Variants in MIA2 observed in about 807,000 individuals in gnomAD.
MIA2 encodes the protein melanoma inhibitory activity protein 2.
In MIA2, 127 loss-of-function variants were observed where a neutral mutation model predicts 167.8. The observed-to-expected ratio is 0.76, with a 90% CI of 0.66 to 0.88. The LOEUF is 0.88. Among genes scored for constraint, MIA2 ranks in the 40% least tolerant of loss-of-function variants. MIA2 has a pLI of 0.00. For missense variants in MIA2, 1,690 were observed against 1,624.7 expected (o/e 1.04, Z -0.69); for synonymous variants, 552 against 541.9 (o/e 1.02, Z -0.26).
At position 39,359,608 on chromosome 14, in the gene MIA2, T is replaced by C. The variant is rs367920371; in HGVS notation, c.2248+10631T>C. On this transcript the variant is annotated intron_variant, in intron 23 of 23. Transcript: ENST00000341502. ...CAGTGAGATGAACCCGGTACCTCTA[T>C]TGGAAATGCAGAAATCACCTGTCTT... 3.9e-5 allele frequency among the ~76,000 whole-genome samples: 6 copies of C among 152,274 alleles called. No individual in the cohort carries two copies. In the East Asian group the frequency reaches 1.2e-3, roughly 29 times the overall value.
chr14:39,275,139 T>TTGTGTGTGTGTG (rs67380839), intron 6 of MIA2, among the ~76,000 whole-genome samples: 20,697 of 126,504 alleles, frequency 0.16, 1,989 homozygotes, highest in East Asian at 0.41. Flanking sequence ...CCTTAATCCT[T>TTGTGTGTGTGTG]TGTGTGTGTG....
chr14:39,290,663 G>C (rs72675413), intron 9 of MIA2, among the ~76,000 whole-genome samples: 9 of 152,122 alleles, frequency 5.9e-5, no homozygotes, highest in African/African-American at 2.2e-4. Flanking sequence ...GTAAAAATAC[G>C]CTCTTTGAGT....
downstream of MIA2, among the ~76,000 whole-genome samples, chr14:39,352,053 T>C (rs2074401594): frequency 1.3e-5 from 2 of 152,198 alleles, no homozygotes; most frequent in South Asian, 4.1e-4. Context: ...AGGCTAATGA[T>C]ACATTTAGTT....
chr14:39,239,230 T>C (rs1423569739), intron 2 of MIA2, among the ~76,000 whole-genome samples: 4 of 152,208 alleles, frequency 2.6e-5, no homozygotes, highest in Admixed American at 1.3e-4. Context: ...CAACTTTCCC[T>C]ACTGCTTCTG....
intron 6 of MIA2, among the ~76,000 whole-genome samples, chr14:39,256,974 G>A (rs1042791826): frequency 6.6e-6 from 1 of 152,182 alleles, no homozygotes; most frequent in African/African-American, 2.4e-5. Context: ...TGGTCTGAGA[G>A]ACTGTTACGA....
chr14:39,384,287 C>T (rs1344663518), intron 23 of MIA2, among the ~76,000 whole-genome samples: 1 of 152,156 alleles, frequency 6.6e-6, no homozygotes, highest in Non-Finnish European at 1.5e-5. Context: ...GATGTCAGCA[C>T]GTCTGTATAC....
Position 39,350,502 on chromosome 14 carries a change from A to C in MIA2, c.*238A>C. 4 of 356,914 alleles carry C rather than the reference A, an allele frequency of 1.1e-5. No individual in the cohort carries two copies. The highest frequency in any genetic ancestry group is 4.4e-5 in the East Asian group (1 of 22,962). 22.1% of individuals were successfully genotyped at this position (356,914 alleles called of 1,614,324 possible). On this transcript the variant is annotated 3_prime_UTR_variant, in exon 29 of 29. Transcript: ENST00000640607. ...TGATTAATCCACTATTATATAAACA[A>C]TAGTGGGAGTTTTATATATGTAATC... is the stretch of plus-strand genomic sequence containing the variant.
chr14:39,255,247 A>C (rs1594701470), intron 6 of MIA2, among the ~76,000 whole-genome samples: 1 of 152,276 alleles, frequency 6.6e-6, no homozygotes, highest in African/African-American at 2.4e-5. Flanking sequence ...TACAGGCCTG[A>C]GTGTAATCCC....
At chr14:39,321,509 G>A (rs572599485) in intron 24 of MIA2, among the ~76,000 whole-genome samples, 1,531 of 151,670 alleles carry the variant, frequency 0.01, 7 homozygotes, top group Non-Finnish European at 0.014. Flanking sequence ...GTAGAGACGG[G>A]GTTTCACCAT....
At chr14:39,266,804 G>C in intron 6 of MIA2, 1 of 958,748 alleles carries the variant, frequency 1.0e-6, no homozygotes, top group Non-Finnish European at 1.2e-6. Context: ...GAAAGCCTTG[G>C]GTGTCGGGGC....
At chr14:39,386,808 T>G in intron 23 of MIA2, 4 of 997,332 alleles carry the variant, frequency 4.0e-6, no homozygotes, top group Non-Finnish European at 6.4e-6. Context: ...AGTGTCACCA[T>G]TACTGATGAC....
chr14:39,242,513 G>A (rs1025082424), intron 3 of MIA2, among the ~76,000 whole-genome samples: 25 of 151,922 alleles, frequency 1.6e-4, no homozygotes, highest in Non-Finnish European at 2.9e-5. Context: ...AGTAGAGATG[G>A]GGTTTCACCA....
At chr14:39,279,569 A>G (rs752172213) in intron 9 of MIA2, 32 bp downstream of exon 9, 10 of 1,418,768 alleles carry the variant, frequency 7.0e-6, no homozygotes, top group Non-Finnish European at 8.8e-6. Flanking sequence ...TATTCATGTT[A>G]GAGTCAGAGA....
chr14:39,241,734 TTA>T (rs1369219152), intron 3 of MIA2, among the ~76,000 whole-genome samples: 2 of 152,222 alleles, frequency 1.3e-5, no homozygotes, highest in East Asian at 3.8e-4. Context: ...AAAAATCTGA[TTA>T]TGTCATTCCT....
At position 39,294,929 on chromosome 14, in the gene MIA2, A is replaced by C. The variant is rs1312197416; in HGVS notation, c.2396A>C (p.Lys799Thr). 1.2e-6 allele frequency: 2 copies of C among 1,610,230 alleles called. No individual in the cohort carries two copies. Among genetic ancestry groups the C allele is most frequent in the Non-Finnish European group, 1.7e-6 (2 of 1,177,786 alleles). Residue 799 changes from lysine (K) to threonine (T), a missense_variant, in exon 13 of 29, where the codon AAA becomes ACA. Coordinates refer to ENST00000640607, the MANE Select transcript of MIA2 (RefSeq NM_001329214.4). ...GACATTTTTTGTTTCACTTAGGCCA[A>C]AATGACCTTCAAGATATTTCAAATG... ...KSLKSQVAEAKMTFKIFQMNE... is the reference protein window; with the variant it reads ...KSLKSQVAEATMTFKIFQMNE...
intron 14 of MIA2, 80 bp downstream of exon 14, chr14:39,300,066 C>A: frequency 2.0e-6 from 3 of 1,511,122 alleles, no homozygotes; most frequent in Non-Finnish European, 2.7e-6. Context: ...TAGTTTTTAG[C>A]AACTTTTATT....
At chr14:39,324,981 G>A (rs1362673172) in intron 24 of MIA2, among the ~76,000 whole-genome samples, 1 of 152,138 alleles carries the variant, frequency 6.6e-6, no homozygotes, top group Non-Finnish European at 1.5e-5. Flanking sequence ...CTAGTACTTT[G>A]GGAGGTCAAG....
In MIA2 at chr14:39,279,483, A is replaced by G. The variant is rs774202058; in HGVS notation, c.2076A>G (p.Gly692=). ...AAAAGCTTGCTCTAATGCTTTCTGG[A>G]CTAATTGAAGAAAAAAGTAAACTAC... ...REKKLALMLS[G]LIEEKSKLLE... is the part of the protein sequence containing the mutation. Residue 692 remains glycine, a synonymous_variant, in exon 9 of 29, where the codon GGA becomes GGG. Transcript: ENST00000640607. 1.4e-5 allele frequency: 23 copies of G among 1,609,778 alleles called. No homozygotes were observed. In the South Asian group the frequency reaches 2.0e-4, roughly 14 times the overall value.
chr14:39,315,705 C>G lies in MIA2; in HGVS notation c.3203C>G (p.Ala1068Gly). The G allele has an allele frequency of 6.4e-7, 1 of 1,554,184 alleles. No homozygotes were observed. Among genetic ancestry groups the G allele is most frequent in the African/African-American group, 1.4e-5 (1 of 73,232 alleles). Reference protein sequence around the residue: ...QGQIISHEKKAHDNWLAARNA... With the variant: ...QGQIISHEKKGHDNWLAARNA... ...CAGATTATTTCCCATGAGAAAAAAG[C>G]ACATGATAATTGGGTAAGTTTAAAA... The change falls in exon 21 of 29, where the codon GCA (alanine) becomes GGA (glycine). Residue 1068 changes from alanine (A) to glycine (G), a missense_variant. By Grantham distance (60) the Ala-to-Gly change is moderately conservative. Coordinates refer to ENST00000640607, the MANE Select transcript of MIA2 (RefSeq NM_001329214.4).
Sources: allele counts gnomAD v4.1 joint callset (sites outside exome capture counted in the v4.1 genomes callset), GRCh38; gene constraint gnomAD v4.1.1; transcripts MANE v1.5; gene names NCBI Gene and HGNC (gene_info 2026-07-23, HGNC 2026-07-21).